KCNH1: variants seen among roughly 807,000 people sequenced by gnomAD.
KCNH1 encodes the protein voltage-gated delayed rectifier potassium channel KCNH1.
In KCNH1, 27 loss-of-function variants were observed where a neutral mutation model predicts 69.2. The ratio of observed to expected loss-of-function variants is 0.39; its 90% CI spans 0.29 to 0.54. The LOEUF is 0.54. Among genes scored for constraint, KCNH1 ranks in the 20% least tolerant of loss-of-function variants. The pLI, the probability that KCNH1 is intolerant of heterozygous loss-of-function variation, is 0.68. For missense variants in KCNH1, 798 were observed against 1,261.6 expected (o/e 0.63, Z 5.57); for synonymous variants, 456 against 487.7 (o/e 0.93, Z 0.86).
intron 7 of KCNH1, among the ~76,000 whole-genome samples, chr1:210,808,376 CA>C (rs1342921498): frequency 6.6e-6 from 1 of 152,092 alleles, no homozygotes; most frequent in Non-Finnish European, 1.5e-5. Context: ...AGACATCAAG[CA>C]GGGATGGACA....
chr1:211,124,333 C>T lies in KCNH1; in HGVS notation c.79+9534G>A, dbSNP rs549747185. On this transcript the variant is annotated intron_variant, in intron 1 of 10. Coordinates refer to ENST00000271751, the MANE Select transcript of KCNH1 (RefSeq NM_172362.3). ...TGCACATCCCCTCACCAAATTCACC[C>T]CCATGACTGAATGGTCTGCACAAAA... Among the ~76,000 whole-genome samples the T allele has an allele frequency of 8.5e-5, 13 of 152,286 alleles. No individual in the cohort carries two copies. In the East Asian group the frequency reaches 2.1e-3, roughly 25 times the overall value.
chr1:210,741,402 T>C (rs1219727565), intron 10 of KCNH1, among the ~76,000 whole-genome samples: 1 of 152,064 alleles, frequency 6.6e-6, no homozygotes, highest in Non-Finnish European at 1.5e-5. Flanking sequence ...AAACCATTCC[T>C]CCGTGGCAGT....
chr1:210,835,933 C>T (rs938672043), intron 7 of KCNH1, among the ~76,000 whole-genome samples: 2 of 151,752 alleles, frequency 1.3e-5, no homozygotes, highest in African/African-American at 4.8e-5. Context: ...TGTTTGAGAC[C>T]AGCATGGCCA....
At chr1:210,737,123 G>T (rs1228508753) in intron 10 of KCNH1, among the ~76,000 whole-genome samples, 1 of 152,192 alleles carries the variant, frequency 6.6e-6, no homozygotes, top group Non-Finnish European at 1.5e-5. Flanking sequence ...GCCCTAACTT[G>T]TGGATTTTCA....
intron 7 of KCNH1, chr1:210,859,967 C>A: frequency 1.3e-6 from 2 of 1,591,190 alleles, no homozygotes; most frequent in Non-Finnish European, 1.7e-6. Context: ...TTGTCTTAAC[C>A]TCTCTTGGCA....
At chr1:211,030,933 T>A (rs1244188080) in intron 5 of KCNH1, among the ~76,000 whole-genome samples, 6 of 152,056 alleles carry the variant, frequency 3.9e-5, no homozygotes, top group Admixed American at 2.6e-4. Flanking sequence ...GTAAAAGGTA[T>A]AAACAGACAT....
At chr1:211,084,453 C>T (rs929965740) in intron 4 of KCNH1, among the ~76,000 whole-genome samples, 3 of 152,170 alleles carry the variant, frequency 2.0e-5, no homozygotes, top group Admixed American at 6.5e-5. Flanking sequence ...AGGGCAGGTG[C>T]CCCAAACCCC....
intron 1 of KCNH1, among the ~76,000 whole-genome samples, chr1:211,110,213 C>T (rs1691433554): frequency 6.6e-6 from 1 of 152,092 alleles, no homozygotes; most frequent in South Asian, 2.1e-4. Context: ...ACCACATATT[C>T]TTTCTTTGGC....
intron 10 of KCNH1, among the ~76,000 whole-genome samples, chr1:210,772,814 T>C (rs185474542): frequency 5.6e-4 from 86 of 152,320 alleles, no homozygotes; most frequent in Non-Finnish European, 9.4e-4. Context: ...AAAATCTGTC[T>C]ATAATTTTGG....
intron 6 of KCNH1, among the ~76,000 whole-genome samples, chr1:210,997,030 AC>A: frequency 6.6e-6 from 1 of 152,324 alleles, no homozygotes; most frequent in East Asian, 1.9e-4. Context: ...ATCATCAAAG[AC>A]CAAAAGTAGA....
intron 3 of KCNH1, among the ~76,000 whole-genome samples, chr1:211,098,464 C>T (rs946912475): frequency 6.6e-6 from 1 of 152,104 alleles, no homozygotes; most frequent in African/African-American, 2.4e-5. Flanking sequence ...ATCCGTCCTT[C>T]AACATATGTA....
chr1:211,025,008 T>C (rs1347452204), intron 5 of KCNH1, among the ~76,000 whole-genome samples: 2 of 152,176 alleles, frequency 1.3e-5, no homozygotes, highest in Admixed American at 6.5e-5. Context: ...CACGGTTACA[T>C]TTCCCTGAGT....
At chr1:210,703,695 A>G (rs1254951656) in intron 10 of KCNH1, among the ~76,000 whole-genome samples, 1 of 152,236 alleles carries the variant, frequency 6.6e-6, no homozygotes, top group Non-Finnish European at 1.5e-5. Context: ...AAGATCTCTG[A>G]GGACAGAGAC....
chr1:210,880,848 C>T (rs949165865), intron 7 of KCNH1, among the ~76,000 whole-genome samples: 6 of 151,700 alleles, frequency 4.0e-5, no homozygotes, highest in African/African-American at 1.5e-4. Context: ...GACTGTTTCC[C>T]GCAATAAATA....
rs528666701 is a variant in KCNH1, at chr1:211,018,623, G to C, written c.1032+160C>G. Reference sequence around the variant, plus strand: ...CATGCAGGGCCTCCAAACCGCCAAAGGATGGGAACAGCAGGCAAGGGTATC... The same window carrying C: ...CATGCAGGGCCTCCAAACCGCCAAACGATGGGAACAGCAGGCAAGGGTATC... On this transcript the variant is annotated intron_variant, in intron 6 of 10. Coordinates refer to ENST00000271751, the MANE Select transcript of KCNH1 (RefSeq NM_172362.3). 1.2e-3 allele frequency among the ~76,000 whole-genome samples: 183 copies of C among 152,310 alleles called. 1 individual carries two copies. Among genetic ancestry groups the C allele is most frequent in the African/African-American group, 3.8e-3 (157 of 41,566 alleles).
At chr1:210,720,187 G>C (rs999084996) in intron 10 of KCNH1, among the ~76,000 whole-genome samples, 1 of 152,166 alleles carries the variant, frequency 6.6e-6, no homozygotes, top group Non-Finnish European at 1.5e-5. Flanking sequence ...ACAGCATCAA[G>C]ATTTTTCAGG....
chr1:210,958,137 G>A (rs1276586292), intron 6 of KCNH1, among the ~76,000 whole-genome samples: 1 of 152,112 alleles, frequency 6.6e-6, no homozygotes, highest in African/African-American at 2.4e-5. Context: ...GCATTTGCTT[G>A]TCTGTAAAGG....
At chr1:211,026,625 C>T (rs2221250) in intron 5 of KCNH1, among the ~76,000 whole-genome samples, 50,132 of 152,002 alleles carry the variant, frequency 0.33, 8,686 homozygotes, top group Non-Finnish European at 0.38. Context: ...TCCTCTCCTA[C>T]TGAGATATTC....
chr1:210,981,372 CAAAAAAAAAA>C (rs10684074), intron 6 of KCNH1, among the ~76,000 whole-genome samples: 1 of 85,498 alleles, frequency 1.2e-5, no homozygotes, highest in Non-Finnish European at 2.1e-5. Flanking sequence ...GTAACAACGA[CAAAAAAAAAA>C]AAAAAAAAAA....
Sources: gnomAD v4.1 joint callset for allele counts (sites outside exome capture counted in the v4.1 genomes callset) on GRCh38, gnomAD v4.1.1 for gene constraint, MANE v1.5 for transcripts, NCBI Gene and HGNC (gene_info 2026-07-23, HGNC 2026-07-21) for gene names.